Variants in GNAZ observed in about 807,000 individuals in gnomAD.
GNAZ encodes the protein G protein subunit alpha z.
In GNAZ, 3 loss-of-function variants were observed where a neutral mutation model predicts 25.4. The ratio of observed to expected loss-of-function variants is 0.12; its 90% confidence interval spans 0.05 to 0.30. The LOEUF (loss-of-function observed/expected upper bound fraction) is 0.30, where lower values mean the gene tolerates loss of function less well. Among genes scored for constraint, GNAZ ranks in the 10% least tolerant of loss-of-function variants. GNAZ has a pLI of 1.00. For synonymous variants in GNAZ, 211 were observed against 205.7 expected (o/e 1.03, Z -0.22); for missense variants, 241 against 501.8 (o/e 0.48, Z 4.97).
intron 1 of GNAZ, among the ~76,000 whole-genome samples, chr22:23,075,092 G>A (rs1471718635): frequency 1.3e-5 from 2 of 152,162 alleles, no homozygotes; most frequent in African/African-American, 4.8e-5. Flanking sequence ...CAGGAAGCTG[G>A]CTGGTCACAG....
intron 2 of GNAZ, among the ~76,000 whole-genome samples, chr22:23,103,195 G>C (rs901243508): frequency 6.6e-6 from 1 of 152,188 alleles, no homozygotes; most frequent in African/African-American, 2.4e-5. Context: ...TTTGTGAGCT[G>C]TTTGACATTA....
intron 1 of GNAZ, among the ~76,000 whole-genome samples, chr22:23,083,894 G>A (rs1169252737): frequency 6.6e-6 from 1 of 152,204 alleles, no homozygotes; most frequent in Non-Finnish European, 1.5e-5. Context: ...AGTAGTCAGG[G>A]GTCCTCATCA....
At chr22:23,108,745 C>T (rs888526415) in intron 2 of GNAZ, among the ~76,000 whole-genome samples, 1 of 152,236 alleles carries the variant, frequency 6.6e-6, no homozygotes, top group Admixed American at 6.5e-5. Context: ...ACCTTTCTTC[C>T]CAGGCAGGAG....
chr22:23,109,197 G>A (rs1016025690), intron 2 of GNAZ, among the ~76,000 whole-genome samples: 3 of 152,146 alleles, frequency 2.0e-5, no homozygotes, highest in African/African-American at 7.2e-5. Context: ...ACCAGGACCC[G>A]AGCCTCTGGG....
intron 2 of GNAZ, among the ~76,000 whole-genome samples, chr22:23,115,036 C>A (rs2069783355): frequency 6.6e-6 from 1 of 152,226 alleles, no homozygotes; most frequent in African/African-American, 2.4e-5. Flanking sequence ...ATGTCACGTG[C>A]ATTTTATGTG....
At chr22:23,078,322 G>A (rs575943948) in intron 1 of GNAZ, among the ~76,000 whole-genome samples, 1 of 152,342 alleles carries the variant, frequency 6.6e-6, no homozygotes, top group Admixed American at 6.5e-5. Flanking sequence ...CACTGGGCCA[G>A]TGCCAGGCAT....
chr22:23,076,083 G>A (rs532427471), intron 1 of GNAZ, among the ~76,000 whole-genome samples: 7 of 152,320 alleles, frequency 4.6e-5, no homozygotes, highest in Admixed American at 2.0e-4. Flanking sequence ...GGCTGTGCTG[G>A]AGGCTGGCAT....
intron 2 of GNAZ, among the ~76,000 whole-genome samples, chr22:23,112,667 G>T (rs762970634): frequency 6.6e-6 from 1 of 152,204 alleles, no homozygotes; most frequent in South Asian, 2.1e-4. Flanking sequence ...AAACACCAGC[G>T]GGGTGGGAAT....
chr22:23,107,280 G>T (rs995645020), intron 2 of GNAZ, among the ~76,000 whole-genome samples: 5 of 152,176 alleles, frequency 3.3e-5, no homozygotes, highest in Admixed American at 1.3e-4. Context: ...TCCCAGAGGA[G>T]CCCCATCTGT....
chr22:23,119,788 T>C (rs2069959161), intron 2 of GNAZ, among the ~76,000 whole-genome samples: 1 of 152,220 alleles, frequency 6.6e-6, no homozygotes, highest in Admixed American at 6.5e-5. Context: ...TCCTGCAGGC[T>C]TTCCTGACTC....
intron 2 of GNAZ, among the ~76,000 whole-genome samples, chr22:23,120,996 A>G (rs756631): frequency 0.48 from 73,064 of 152,100 alleles, 18,338 homozygotes; most frequent in Middle Eastern, 0.58. Flanking sequence ...ACAGTCCTCT[A>G]TGATGTGGCT....
intron 2 of GNAZ, among the ~76,000 whole-genome samples, chr22:23,099,120 C>A (rs2069215880): frequency 6.6e-6 from 1 of 152,236 alleles, no homozygotes; most frequent in Admixed American, 6.5e-5. Context: ...GCCTCCCCAC[C>A]CCCACGCCTG....
At chr22:23,086,405 C>T (rs2068821899) in intron 1 of GNAZ, among the ~76,000 whole-genome samples, 1 of 152,260 alleles carries the variant, frequency 6.6e-6, no homozygotes, top group African/African-American at 2.4e-5. Flanking sequence ...AAGCACTCGG[C>T]CCAGCAGTGG....
At chr22:23,079,071 T>C (rs2068596672) in intron 1 of GNAZ, among the ~76,000 whole-genome samples, 1 of 152,194 alleles carries the variant, frequency 6.6e-6, no homozygotes, top group Non-Finnish European at 1.5e-5. Flanking sequence ...TGCTTGGTGC[T>C]AGGTCCATGT....
intron 1 of GNAZ, among the ~76,000 whole-genome samples, chr22:23,082,898 C>T (rs959637932): frequency 6.6e-6 from 1 of 151,214 alleles, no homozygotes; most frequent in African/African-American, 2.4e-5. Context: ...ACAGTGTCTT[C>T]CCCCCAAACC....
intron 2 of GNAZ, among the ~76,000 whole-genome samples, chr22:23,114,762 G>C (rs574478298): frequency 1.5e-3 from 221 of 152,304 alleles, no homozygotes; most frequent in African/African-American, 5.0e-3. Flanking sequence ...AGGAGGTTGG[G>C]CCTGCATTGG....
intron 1 of GNAZ, among the ~76,000 whole-genome samples, chr22:23,085,425 AG>A (rs1270150588): frequency 6.6e-6 from 1 of 152,178 alleles, no homozygotes; most frequent in Non-Finnish European, 1.5e-5. Flanking sequence ...TGATCATAGC[AG>A]GTTGAGTGAC....
chr22:23,091,298 G>A (rs1766701539), intron 1 of GNAZ, among the ~76,000 whole-genome samples: 1 of 152,032 alleles, frequency 6.6e-6, no homozygotes, highest in Admixed American at 6.6e-5. Flanking sequence ...ACACAAACAG[G>A]GACCTATGCA....
intron 2 of GNAZ, among the ~76,000 whole-genome samples, chr22:23,113,241 G>A (rs1460712534): frequency 2.6e-5 from 4 of 152,174 alleles, no homozygotes; most frequent in Non-Finnish European, 5.9e-5. Flanking sequence ...GCGCCACCTG[G>A]CCCTGTGCCC....
Sources: gnomAD v4.1 joint callset for allele counts (sites outside exome capture counted in the v4.1 genomes callset) on GRCh38, gnomAD v4.1.1 for gene constraint, MANE v1.5 for transcripts, NCBI Gene and HGNC (gene_info 2026-07-23, HGNC 2026-07-21) for gene names.